The following SESTD1 variants were observed in gnomAD, a reference collection of about 807,000 sequenced individuals.
SESTD1 encodes the protein SEC14 domain and spectrin repeat-containing protein 1.
Under a neutral mutation model 101.7 loss-of-function variants are expected in SESTD1, and 43 were observed. The ratio of observed to expected loss-of-function variants is 0.42; its 90% confidence interval spans 0.33 to 0.55. The LOEUF (loss-of-function observed/expected upper bound fraction) is 0.55. Ranked by LOEUF, SESTD1 falls within the 20% of genes least tolerant of loss-of-function variation. The pLI is 0.07. For synonymous variants in SESTD1, 283 were observed against 286.8 expected, an observed-to-expected ratio of 0.99 and a Z score of 0.13; for missense variants, 647 against 815.1, an observed-to-expected ratio of 0.79 and a Z score of 2.51.
At chr2:179,141,618 C>T (rs1037407065) in intron 9 of SESTD1, among the ~76,000 whole-genome samples, 1 of 151,794 alleles carries the variant, frequency 6.6e-6, no homozygotes, top group Non-Finnish European at 1.5e-5. Flanking sequence ...TGTAACAGTC[C>T]TATTAAGTAG....
At chr2:179,159,998 G>A (rs982100799) in intron 5 of SESTD1, among the ~76,000 whole-genome samples, 2 of 152,164 alleles carry the variant, frequency 1.3e-5, no homozygotes, top group Non-Finnish European at 2.9e-5. Context: ...GGGATTACAG[G>A]TGCCCACCAT....
rs1053902054 is a variant in SESTD1, at chr2:179,213,634, G to A, written c.-25-21768C>T. Reference sequence around the variant, plus strand: ...GCAAGGAGGCCAATATTCAAATTTAGGAAATACAAAGAATACCACAAAGAT... The same window carrying A: ...GCAAGGAGGCCAATATTCAAATTTAAGAAATACAAAGAATACCACAAAGAT... On this transcript the variant is annotated intron_variant, in intron 1 of 17. Coordinates refer to ENST00000428443, the MANE Select transcript of SESTD1 (RefSeq NM_178123.5). Among the ~76,000 whole-genome samples the A allele has an allele frequency of 4.5e-5, 6 of 133,886 alleles. 1 individual carries two copies. Among genetic ancestry groups the A allele is most frequent in the Admixed American group, 2.9e-4 (4 of 13,832 alleles). 87.8% of individuals were successfully genotyped at this position (133,886 alleles called of 152,430 possible).
At chr2:179,162,756 G>A (rs1478751015) in intron 5 of SESTD1, among the ~76,000 whole-genome samples, 1 of 151,408 alleles carries the variant, frequency 6.6e-6, no homozygotes, top group Non-Finnish European at 1.5e-5. Context: ...GGGAGGCCGA[G>A]GCAGGTGGAT....
At chr2:179,176,581 A>AT (rs1268532388) in intron 3 of SESTD1, 43 bp from the exon 4 acceptor site, 2 of 1,520,454 alleles carry the variant, frequency 1.3e-6, no homozygotes, top group East Asian at 4.6e-5. Flanking sequence ...CAAGCTCCAG[A>AT]TTTCGTTCTT....
chr2:179,221,826 G>A (rs1352512578), intron 1 of SESTD1, among the ~76,000 whole-genome samples: 3 of 151,390 alleles, frequency 2.0e-5, no homozygotes, highest in Non-Finnish European at 4.4e-5. Flanking sequence ...AGTCTGAGGT[G>A]AGAGGATCCC....
chr2:179,114,989 C>T (rs750727906), intron 16 of SESTD1, 76 bp downstream of exon 16: 5 of 1,240,058 alleles, frequency 4.0e-6, no homozygotes, highest in Admixed American at 2.3e-5. Context: ...CATATAGTTA[C>T]ATTACTAAAA....
Position 179,104,769 on chromosome 2 carries a change from A to T in SESTD1, c.*5130T>A, listed in dbSNP as rs1025467086. 3 of 152,160 alleles carry T rather than the reference A, an allele frequency of 2.0e-5. No individual in the cohort carries two copies. The highest frequency in any genetic ancestry group is 7.2e-5 in the African/African-American group (3 of 41,434). The allele number at this position is 152,160 out of a possible 1,614,324, so 9.4% of individuals were successfully genotyped here. On this transcript the variant is annotated 3_prime_UTR_variant, in exon 18 of 18. Coordinates refer to ENST00000428443, the MANE Select transcript of SESTD1 (RefSeq NM_178123.5). ...ATAAAATTACATATAGGAATTATAC[A>T]TACAGCCTCATAAAGTTCTCCAAAA...
intron 4 of SESTD1, among the ~76,000 whole-genome samples, chr2:179,174,732 A>G (rs1473841759): frequency 1.3e-5 from 2 of 152,174 alleles, no homozygotes; most frequent in East Asian, 3.8e-4. Context: ...AGGCTGAAGC[A>G]GAAGGATCAC....
chr2:179,127,192 T>TC (rs2044893209), intron 10 of SESTD1, among the ~76,000 whole-genome samples: 1 of 152,224 alleles, frequency 6.6e-6, no homozygotes. Context: ...TTCTTGCTGT[T>TC]CCTCAATCAT....
intron 5 of SESTD1, chr2:179,162,535 A>G (rs1384070799): frequency 6.6e-6 from 1 of 152,170 alleles, no homozygotes; most frequent in African/African-American, 2.4e-5. Flanking sequence ...AAATTCATCT[A>G]TAAGAAAAAC....
intron 9 of SESTD1, among the ~76,000 whole-genome samples, chr2:179,138,098 T>C (rs1011904229): frequency 2.0e-5 from 3 of 152,060 alleles, no homozygotes; most frequent in African/African-American, 7.3e-5. Context: ...ATTCACTTGT[T>C]ATCCTGATAA....
At chr2:179,144,007 CATAT>C (rs1476014432) in intron 8 of SESTD1, among the ~76,000 whole-genome samples, 1 of 151,676 alleles carries the variant, frequency 6.6e-6, no homozygotes. Flanking sequence ...TGTGTGTGTA[CATAT>C]ATATTATGTA....
chr2:179,130,706 T>C (rs1476323279), intron 10 of SESTD1, among the ~76,000 whole-genome samples: 1 of 152,088 alleles, frequency 6.6e-6, no homozygotes, highest in Non-Finnish European at 1.5e-5. Context: ...ACTTTTGGAA[T>C]ACTTTCATAA....
intron 1 of SESTD1, among the ~76,000 whole-genome samples, chr2:179,206,633 G>GT (rs1342060272): frequency 7.4e-6 from 1 of 134,924 alleles, no homozygotes; most frequent in Non-Finnish European, 1.6e-5. Context: ...GCTGAACTCT[G>GT]TAATAATTGC....
At chr2:179,164,045 C>T (rs2028906) in intron 5 of SESTD1, among the ~76,000 whole-genome samples, 8,449 of 152,164 alleles carry the variant, frequency 0.056, 300 homozygotes, top group South Asian at 0.091. Context: ...CGTGCAAGAT[C>T]CAGAATGAAA....
Position 179,109,316 on chromosome 2 carries a change from G to T in SESTD1, c.*583C>A, listed in dbSNP as rs558412222. The T allele has an allele frequency of 5.8e-4, 93 of 161,518 alleles. No homozygotes were observed. The highest frequency in any genetic ancestry group is 2.2e-3 in the African/African-American group (92 of 41,990). 10.0% of individuals were successfully genotyped at this position (161,518 alleles called of 1,614,324 possible). A position where few individuals can be genotyped will look rare whatever the true frequency, so the allele number is the denominator to read the frequency against. Reference sequence around the variant, plus strand: ...TACTAAATTAAATAAGATGTTTAAAGAAGTCTTTTATTAAGCACAAACAAC... The same window carrying T: ...TACTAAATTAAATAAGATGTTTAAATAAGTCTTTTATTAAGCACAAACAAC... On this transcript the variant is annotated 3_prime_UTR_variant, in exon 18 of 18. Coordinates refer to ENST00000428443, the MANE Select transcript of SESTD1 (RefSeq NM_178123.5).
At chr2:179,152,949 G>A (rs1056700515) in intron 5 of SESTD1, among the ~76,000 whole-genome samples, 4 of 151,854 alleles carry the variant, frequency 2.6e-5, no homozygotes, top group Non-Finnish European at 4.4e-5. Context: ...GATATTACAG[G>A]GGCTCAAAAA....
rs2046723309 is a variant in SESTD1, at chr2:179,216,534, T to C, written c.-25-24668A>G. Among the ~76,000 whole-genome samples, 5 of 134,906 alleles carry C rather than the reference T, an allele frequency of 3.7e-5. 2 individuals are homozygous for C. In the South Asian group the frequency reaches 1.1e-3, roughly 30 times the overall value. 88.5% of individuals were successfully genotyped at this position (134,906 alleles called of 152,430 possible). A position where few individuals can be genotyped will look rare whatever the true frequency, so the allele number is the denominator to read the frequency against. ...TGCTCATGGATAGGAAGAATCAATA[T>C]TGTGAAAATGGCCATACTGCCCAAG... On this transcript the variant is annotated intron_variant, in intron 1 of 17. Coordinates refer to ENST00000428443, the MANE Select transcript of SESTD1 (RefSeq NM_178123.5).
At chr2:179,118,759 A>G (rs2044688723) in intron 13 of SESTD1, among the ~76,000 whole-genome samples, 1 of 152,214 alleles carries the variant, frequency 6.6e-6, no homozygotes, top group African/African-American at 2.4e-5. Flanking sequence ...GCTGGGGAAA[A>G]TATAAGATAT....
Sources: allele counts gnomAD v4.1 joint callset (sites outside exome capture counted in the v4.1 genomes callset), GRCh38; gene constraint gnomAD v4.1.1; transcripts MANE v1.5; gene names NCBI Gene and HGNC (gene_info 2026-07-23, HGNC 2026-07-21).